NRG1: variants seen among roughly 807,000 people sequenced by gnomAD.
The protein encoded by NRG1 is pro-neuregulin-1, membrane-bound isoform.
A neutral mutation model predicts 63.8 loss-of-function variants in NRG1; 18 were observed. The observed-to-expected ratio is 0.28, with a 90% CI of 0.19 to 0.42. NRG1 has a LOEUF of 0.42. Among genes scored for constraint, NRG1 ranks in the 10% least tolerant of loss-of-function variants. The pLI is 1.00. For synonymous variants in NRG1, 302 were observed against 301.3 expected (o/e 1.00, Z -0.02); for missense variants, 762 against 814.7 (o/e 0.94, Z 0.79).
chr8:32,109,036 T>C (rs1162169390), intron 1 of NRG1, among the ~76,000 whole-genome samples: 1 of 152,200 alleles, frequency 6.6e-6, no homozygotes, highest in East Asian at 1.9e-4. Context: ...TAGCAACTTA[T>C]TAAATACAGC....
At chr8:32,661,584 C>T (rs182868043) in intron 5 of NRG1, among the ~76,000 whole-genome samples, 10 of 149,872 alleles carry the variant, frequency 6.7e-5, no homozygotes, top group South Asian at 2.1e-4. Flanking sequence ...GTAAGAAACA[C>T]GGGCTGGTCT....
exon 12 of NRG1, chr8:32,767,729 A>C (rs2129065171): frequency 6.6e-6 from 1 of 152,240 alleles, no homozygotes; most frequent in South Asian, 2.1e-4. Flanking sequence ...CTTTGCTTTA[A>C]AATTATGTAT....
intron 5 of NRG1, among the ~76,000 whole-genome samples, chr8:32,676,100 T>C (rs1483446859): frequency 6.6e-6 from 1 of 152,208 alleles, no homozygotes; most frequent in East Asian, 1.9e-4. Context: ...CAGATGAGTG[T>C]TGCCATGGAG....
chr8:32,060,500 T>A (rs1332821950), intron 1 of NRG1, among the ~76,000 whole-genome samples: 1 of 151,992 alleles, frequency 6.6e-6, no homozygotes, highest in Non-Finnish European at 1.5e-5. Flanking sequence ...TCAATTTTTT[T>A]AGAGAAGAAC....
At chr8:31,765,153 A>T (rs907589383) in intron 1 of NRG1, among the ~76,000 whole-genome samples, 5 of 152,102 alleles carry the variant, frequency 3.3e-5, no homozygotes, top group Admixed American at 2.0e-4. Context: ...GTATATAGAA[A>T]CACAATTTAT....
At chr8:32,413,783 C>G (rs532914815) in intron 1 of NRG1, among the ~76,000 whole-genome samples, 33 of 152,218 alleles carry the variant, frequency 2.2e-4, no homozygotes, top group South Asian at 8.3e-4. Flanking sequence ...AAAATGAATA[C>G]CCAGAGGCTC....
intron 1 of NRG1, among the ~76,000 whole-genome samples, chr8:31,887,245 T>A (rs752474264): frequency 5.3e-5 from 8 of 151,982 alleles, no homozygotes; most frequent in Non-Finnish European, 1.2e-4. Flanking sequence ...TGAGATAGAA[T>A]AGTAACGACA....
intron 5 of NRG1, among the ~76,000 whole-genome samples, chr8:32,623,615 C>G (rs59674889): frequency 0.031 from 4,750 of 152,266 alleles, 148 homozygotes; most frequent in African/African-American, 0.082. Flanking sequence ...TGGAGAGTTA[C>G]TTACAGATTT....
At chr8:32,741,853 A>C (rs928305948) in intron 6 of NRG1, among the ~76,000 whole-genome samples, 155 bp from the exon 7 acceptor site, 3 of 152,168 alleles carry the variant, frequency 2.0e-5, no homozygotes, top group African/African-American at 7.2e-5. Flanking sequence ...TTCGTGGGAC[A>C]TGGTTTTCTA....
chr8:32,760,676 C>T, intron 11 of NRG1: 2 of 1,237,732 alleles, frequency 1.6e-6, no homozygotes, highest in East Asian at 8.1e-5. Flanking sequence ...CATGGAGTTT[C>T]CAGCTCTGGC....
chr8:32,625,405 C>T (rs1036593065), intron 5 of NRG1, among the ~76,000 whole-genome samples: 8 of 152,298 alleles, frequency 5.3e-5, no homozygotes, highest in South Asian at 2.1e-4. Flanking sequence ...TATCCATCAA[C>T]GATGGGCTCT....
intron 1 of NRG1, among the ~76,000 whole-genome samples, chr8:32,556,767 T>C (rs1835250705): frequency 1.3e-5 from 2 of 152,346 alleles, no homozygotes; most frequent in South Asian, 4.1e-4. Context: ...TATATGTTTA[T>C]AACTCATCCC....
chr8:31,936,833 T>C (rs1342964988), intron 1 of NRG1, among the ~76,000 whole-genome samples: 2 of 152,134 alleles, frequency 1.3e-5, no homozygotes, highest in South Asian at 4.1e-4. Flanking sequence ...TATCTGTGAA[T>C]TGAAATGCAT....
At chr8:31,738,130 T>C (rs1029651073) in intron 1 of NRG1, among the ~76,000 whole-genome samples, 1 of 152,084 alleles carries the variant, frequency 6.6e-6, no homozygotes, top group African/African-American at 2.4e-5. Context: ...GGGAGGATGT[T>C]GCAGAAATCT....
intron 1 of NRG1, among the ~76,000 whole-genome samples, chr8:31,861,765 C>T (rs559439320): frequency 6.6e-6 from 1 of 152,258 alleles, no homozygotes; most frequent in South Asian, 2.1e-4. Flanking sequence ...TGTAAGAAGT[C>T]CCAGACCCAC....
chr8:31,677,330 T>C (rs1182279547), intron 1 of NRG1, among the ~76,000 whole-genome samples: 1 of 152,190 alleles, frequency 6.6e-6, no homozygotes, highest in Non-Finnish European at 1.5e-5. Context: ...TTCAAGTGTT[T>C]TTTATCTATC....
intron 1 of NRG1, among the ~76,000 whole-genome samples, chr8:32,245,651 A>G (rs1848526430): frequency 6.6e-6 from 1 of 152,190 alleles, no homozygotes; most frequent in East Asian, 1.9e-4. Flanking sequence ...TTGATCAAAA[A>G]TAATCTCAAA....
At chr8:32,366,245 T>A (rs1363703007) in intron 1 of NRG1, among the ~76,000 whole-genome samples, 1 of 152,180 alleles carries the variant, frequency 6.6e-6, no homozygotes, top group Non-Finnish European at 1.5e-5. Flanking sequence ...ATACAATGTA[T>A]TGTTAACTGT....
At chr8:31,831,142 C>A (rs549240305) in intron 1 of NRG1, among the ~76,000 whole-genome samples, 1 of 151,740 alleles carries the variant, frequency 6.6e-6, no homozygotes, top group South Asian at 2.1e-4. Flanking sequence ...CACTCTATCA[C>A]CCAGGCTGGA....
Sources: gnomAD v4.1 joint callset for allele counts (sites outside exome capture counted in the v4.1 genomes callset) on GRCh38, gnomAD v4.1.1 for gene constraint, MANE v1.5 for transcripts, NCBI Gene and HGNC (gene_info 2026-07-23, HGNC 2026-07-21) for gene names.